TNIK: variants seen among roughly 807,000 people sequenced by gnomAD.
TNIK encodes TRAF2 and NCK interacting kinase, also known as TRAF2 and NCK-interacting protein kinase.
In TNIK, 49 loss-of-function variants were observed where a neutral mutation model predicts 191.3. The ratio of observed to expected loss-of-function variants is 0.26; its 90% confidence interval spans 0.20 to 0.32. The LOEUF is 0.32. Ranked by LOEUF, TNIK falls within the 10% of genes least tolerant of loss-of-function variation. TNIK has a pLI of 1.00. For missense variants in TNIK, 1,155 were observed against 1,702.3 expected, an observed-to-expected ratio of 0.68 and a Z score of 5.66; for synonymous variants, 594 against 600.9, an observed-to-expected ratio of 0.99 and a Z score of 0.17.
chr3:171,298,709 G>A (rs1178108386), intron 2 of TNIK, among the ~76,000 whole-genome samples: 2 of 152,170 alleles, frequency 1.3e-5, no homozygotes, highest in African/African-American at 4.8e-5. Flanking sequence ...ACCAACTCTT[G>A]CTGGATATGT....
intron 8 of TNIK, 127 bp from the exon 9 acceptor site, chr3:171,175,457 G>GTCAGAATATCCAAATGCT: frequency 1.5e-6 from 1 of 676,814 alleles, no homozygotes; most frequent in Non-Finnish European, 2.5e-6. Flanking sequence ...TGAGCACAAA[G>GTCAGAATATCCAAATGCT]TCAGAATATC....
intron 1 of TNIK, among the ~76,000 whole-genome samples, chr3:171,404,779 C>A (rs1019998972): frequency 6.6e-6 from 1 of 152,134 alleles, no homozygotes; most frequent in African/African-American, 2.4e-5. Context: ...TTTCCAAGCT[C>A]ATAATTGACA....
chr3:171,392,639 G>T (rs9876570), intron 1 of TNIK, among the ~76,000 whole-genome samples: 3,007 of 152,006 alleles, frequency 0.02, 96 homozygotes, highest in African/African-American at 0.069. Context: ...AATCAGCAGG[G>T]TGTGGTGGGG....
rs1242131115 is a variant in TNIK, at chr3:171,108,096, G to T, written c.2351C>A (p.Ser784Tyr). Residue 784 changes from serine to tyrosine, a missense_variant, in exon 20 of 33, where the codon TCC (serine) becomes TAC (tyrosine). Ser to Tyr is a moderately radical substitution (Grantham distance 144, BLOSUM62 -2). Transcript: ENST00000436636. Reference sequence around the variant, plus strand: ...TCGACTGGGCCGGGTAATGTCCCTGGATTCTTCTGGTTTCACCTTCGCAGG... The same window carrying T: ...TCGACTGGGCCGGGTAATGTCCCTGTATTCTTCTGGTTTCACCTTCGCAGG... ...HEPAKVKPEESRDITRPSRPA... is the reference protein window; with the variant it reads ...HEPAKVKPEEYRDITRPSRPA... 2.5e-6 allele frequency: 4 copies of T among 1,575,620 alleles called. No individual in the cohort carries two copies. The highest frequency in any genetic ancestry group is 3.4e-6 in the Non-Finnish European group (4 of 1,159,510).
At chr3:171,282,569 C>G (rs890225737) in intron 2 of TNIK, among the ~76,000 whole-genome samples, 1 of 152,064 alleles carries the variant, frequency 6.6e-6, no homozygotes, top group Non-Finnish European at 1.5e-5. Context: ...GTCCCGAACT[C>G]CTGGCCTTAG....
intron 16 of TNIK, 85 bp from the exon 17 acceptor site, chr3:171,126,236 A>G (rs890874366): frequency 6.3e-6 from 9 of 1,438,598 alleles, no homozygotes; most frequent in Non-Finnish European, 8.2e-6. Context: ...GGAAAAAAAA[A>G]AAAAAGTTCA....
intron 2 of TNIK, among the ~76,000 whole-genome samples, chr3:171,235,920 G>T (rs1419244655): frequency 6.6e-6 from 1 of 152,312 alleles, no homozygotes; most frequent in Non-Finnish European, 1.5e-5. Flanking sequence ...AAAGTTAAAT[G>T]TGAGGGTGTA....
At chr3:171,320,180 T>C (rs1577466349) in intron 2 of TNIK, among the ~76,000 whole-genome samples, 1 of 152,194 alleles carries the variant, frequency 6.6e-6, no homozygotes, top group African/African-American at 2.4e-5. Context: ...TGGCCTATTA[T>C]ATTTCAGCAG....
At chr3:171,380,884 T>A (rs1033904840) in intron 1 of TNIK, among the ~76,000 whole-genome samples, 1 of 152,242 alleles carries the variant, frequency 6.6e-6, no homozygotes, top group Non-Finnish European at 1.5e-5. Context: ...CAGAGCCATG[T>A]AGGAACAGCC....
intron 1 of TNIK, among the ~76,000 whole-genome samples, chr3:171,420,280 T>C (rs1010744951): frequency 6.6e-6 from 1 of 152,146 alleles, no homozygotes; most frequent in Non-Finnish European, 1.5e-5. Context: ...CTAAACTGAT[T>C]TTTAAGTTTA....
rs117975053 is a variant in TNIK at position 171,145,486 on chromosome 3, C to A, written c.1222-4977G>T. On this transcript the variant is annotated intron_variant, in intron 12 of 32. Transcript: ENST00000436636. ...TCTATTGGGGGCAGTTTTGATCCTCCCTATGAATGCTCCCCTCACGCTACC... is the reference window on the plus strand; with the variant it reads ...TCTATTGGGGGCAGTTTTGATCCTCACTATGAATGCTCCCCTCACGCTACC... Among the ~76,000 whole-genome samples the A allele has an allele frequency of 1.2e-3, 179 of 152,202 alleles. 4 individuals carry two copies. In the East Asian group the frequency reaches 0.029, roughly 24 times the overall value.
At chr3:171,083,944 G>A (rs1202178708) in intron 26 of TNIK, among the ~76,000 whole-genome samples, 3 of 151,986 alleles carry the variant, frequency 2.0e-5, no homozygotes, top group Admixed American at 6.5e-5. Flanking sequence ...ATCTAATCTC[G>A]TCTTCCTGGC....
chr3:171,375,630 G>A (rs563742794), intron 1 of TNIK, among the ~76,000 whole-genome samples: 2 of 152,242 alleles, frequency 1.3e-5, no homozygotes, highest in Admixed American at 1.3e-4. Flanking sequence ...CCTGCCACTA[G>A]GTTATGCTTT....
At chr3:171,392,690 A>G (rs1271274982) in intron 1 of TNIK, among the ~76,000 whole-genome samples, 1 of 151,442 alleles carries the variant, frequency 6.6e-6, no homozygotes, top group East Asian at 1.9e-4. Flanking sequence ...TGAGCAGGAG[A>G]ATCACTTGAA....
intron 2 of TNIK, among the ~76,000 whole-genome samples, chr3:171,349,402 G>A (rs766845210): frequency 2.0e-5 from 3 of 152,176 alleles, no homozygotes; most frequent in Non-Finnish European, 4.4e-5. Context: ...AAGAGAGGCA[G>A]ATGATTGATA....
chr3:171,110,933 G>T, intron 18 of TNIK, 56 bp from the exon 19 acceptor site: 1 of 1,481,544 alleles, frequency 6.7e-7, no homozygotes. Context: ...CAGTTTTGCA[G>T]ATCACATATC....
intron 6 of TNIK, 112 bp from the exon 7 acceptor site, chr3:171,188,944 A>AT (rs911939742): frequency 3.0e-6 from 4 of 1,314,398 alleles, no homozygotes; most frequent in Non-Finnish European, 3.1e-6. Context: ...AAAGTGTACA[A>AT]TTTTGACCAT....
chr3:171,142,219 A>G (rs1730935730), intron 12 of TNIK, among the ~76,000 whole-genome samples: 1 of 152,232 alleles, frequency 6.6e-6, no homozygotes, highest in South Asian at 2.1e-4. Flanking sequence ...AAATGACTTG[A>G]TCAGACTTGC....
At chr3:171,064,161 A>G (rs2108296016) in intron 32 of TNIK, 197 bp from the exon 33 acceptor site, 12 of 543,108 alleles carry the variant, frequency 2.2e-5, no homozygotes, top group East Asian at 6.4e-5. Flanking sequence ...CTAGGTTGTT[A>G]TTATTCCTTA....
Sources: gnomAD v4.1 joint callset for allele counts (sites outside exome capture counted in the v4.1 genomes callset) on GRCh38, gnomAD v4.1.1 for gene constraint, MANE v1.5 for transcripts, NCBI Gene and HGNC (gene_info 2026-07-23, HGNC 2026-07-21) for gene names.